DAB1: variants seen among roughly 807,000 people sequenced by gnomAD.
The protein encoded by DAB1 is DAB adaptor protein 1.
A neutral mutation model predicts 64.6 loss-of-function variants in DAB1; 15 were observed. The observed-to-expected ratio is 0.23, with a 90% confidence interval of 0.16 to 0.36. The LOEUF (loss-of-function observed/expected upper bound fraction) is 0.36. DAB1 is among the 10% of genes least tolerant of loss of function. The pLI is 1.00. For synonymous variants in DAB1, 235 were observed against 251.9 expected (o/e 0.93, Z 0.64); for missense variants, 596 against 706.7 (o/e 0.84, Z 1.78).
intron 9 of DAB1, among the ~76,000 whole-genome samples, chr1:57,031,649 C>G (rs1046250931): frequency 2.0e-5 from 3 of 152,218 alleles, no homozygotes; most frequent in Non-Finnish European, 4.4e-5. Context: ...TCTTGTTCAT[C>G]GATCCATCAC....
At chr1:57,512,704 C>G (rs1644418933) in intron 7 of DAB1, among the ~76,000 whole-genome samples, 1 of 152,142 alleles carries the variant, frequency 6.6e-6, no homozygotes, top group African/African-American at 2.4e-5. Context: ...TCAAGTTGTT[C>G]TTCATTTGGC....
At chr1:57,400,109 C>A (rs1683120514) in intron 1 of DAB1, among the ~76,000 whole-genome samples, 3 of 152,154 alleles carry the variant, frequency 2.0e-5, no homozygotes, top group Non-Finnish European at 1.5e-5. Context: ...CTTGTAATAT[C>A]ACTACTACTT....
Position 57,516,998 on chromosome 1 carries a change from T to C in DAB1, n.625+132594A>G, listed in dbSNP as rs570649524. 3.3e-5 allele frequency among the ~76,000 whole-genome samples: 5 copies of C among 152,282 alleles called. No individual in the cohort carries two copies. The East Asian group carries it at 9.6e-4, about 29-fold the overall frequency. On this transcript the variant is annotated intron_variant and non_coding_transcript_variant, in intron 7 of 20. Coordinates refer to the DAB1 transcript ENST00000485760. ...CAGAGTGTTAGTCAAAGGTTGAGGATGTGGAGGAGGAAGGGAAACAAATAC... is the reference window on the plus strand; with the variant it reads ...CAGAGTGTTAGTCAAAGGTTGAGGACGTGGAGGAGGAAGGGAAACAAATAC...
Position 58,207,817 on chromosome 1 carries a change from G to A in DAB1, n.310-57229C>T, listed in dbSNP as rs12042368. Among the ~76,000 whole-genome samples the A allele has an allele frequency of 3.9e-3, 590 of 152,282 alleles. 18 individuals are homozygous for A. The East Asian group carries it at 0.074, about 19-fold the overall frequency. On this transcript the variant is annotated intron_variant and non_coding_transcript_variant, in intron 4 of 20. Coordinates refer to the DAB1 transcript ENST00000485760. ...GAAAAAAAATGCAATCTTAGAGTCT[G>A]TAACTTTCCCAAGATCACAAAGTTA... is the stretch of plus-strand genomic sequence containing the variant.
intron 7 of DAB1, among the ~76,000 whole-genome samples, chr1:57,570,145 A>G (rs1645177342): frequency 6.6e-6 from 1 of 152,134 alleles, no homozygotes; most frequent in Non-Finnish European, 1.5e-5. Context: ...ACCCACCCTT[A>G]ATGTGGGTGG....
chr1:58,478,986 G>A (rs1003974053), intron 3 of DAB1, among the ~76,000 whole-genome samples: 8 of 152,078 alleles, frequency 5.3e-5, no homozygotes, highest in African/African-American at 1.7e-4. Flanking sequence ...AAAGCATTGA[G>A]CTGAACTGTA....
chr1:58,184,438 A>AG (rs963666361), intron 4 of DAB1, among the ~76,000 whole-genome samples: 6 of 151,952 alleles, frequency 3.9e-5, no homozygotes, highest in African/African-American at 1.4e-4. Context: ...AACCTCTTTC[A>AG]GCTGGACCAT....
rs146032058 is a variant in DAB1 at position 57,911,949 on chromosome 1, C to T, written n.388-27787G>A. ...ATCAAACTATTTTATAACTAATCCCCTGTATTAAACCCCCTCCATGTGAAA... is the reference window on the plus strand; with the variant it reads ...ATCAAACTATTTTATAACTAATCCCTTGTATTAAACCCCCTCCATGTGAAA... On this transcript the variant is annotated intron_variant and non_coding_transcript_variant, in intron 5 of 20. Coordinates refer to the DAB1 transcript ENST00000485760. 2.3e-3 allele frequency among the ~76,000 whole-genome samples: 345 copies of T among 152,316 alleles called. 3 individuals carry two copies. The highest frequency in any genetic ancestry group is 7.9e-3 in the African/African-American group (328 of 41,578).
chr1:58,366,084 A>G (rs1238017670), intron 3 of DAB1, among the ~76,000 whole-genome samples: 1 of 152,206 alleles, frequency 6.6e-6, no homozygotes, highest in African/African-American at 2.4e-5. Context: ...CTCCCAATAC[A>G]GTACTATTCC....
chr1:57,333,044 C>T (rs1676804200), intron 1 of DAB1, among the ~76,000 whole-genome samples: 1 of 152,180 alleles, frequency 6.6e-6, no homozygotes, highest in African/African-American at 2.4e-5. Context: ...AATGAGAGGT[C>T]ATCCCCAAGT....
At chr1:57,337,666 C>A (rs1012210842) in intron 1 of DAB1, among the ~76,000 whole-genome samples, 1 of 152,168 alleles carries the variant, frequency 6.6e-6, no homozygotes, top group Non-Finnish European at 1.5e-5. Flanking sequence ...ATCTTCAGCA[C>A]CTAGAAGAGC....
chr1:57,330,860 C>T (rs1043930937), intron 1 of DAB1, among the ~76,000 whole-genome samples: 4 of 152,096 alleles, frequency 2.6e-5, no homozygotes, highest in Non-Finnish European at 5.9e-5. Flanking sequence ...TTGACCCCTG[C>T]TTAGCATATA....
At chr1:57,121,713 T>A in intron 4 of DAB1, among the ~76,000 whole-genome samples, 1 of 152,088 alleles carries the variant, frequency 6.6e-6, no homozygotes. Context: ...AAGTCTTTAA[T>A]CCATCTTGAG....
chr1:57,717,285 G>T (rs1647095748), intron 6 of DAB1, among the ~76,000 whole-genome samples: 1 of 150,302 alleles, frequency 6.7e-6, no homozygotes, highest in Non-Finnish European at 1.5e-5. Context: ...AAGAAAGAAA[G>T]AAGACATACA....
At chr1:57,221,409 A>T (rs1468629865) in intron 2 of DAB1, among the ~76,000 whole-genome samples, 1 of 151,954 alleles carries the variant, frequency 6.6e-6, no homozygotes, top group African/African-American at 2.4e-5. Context: ...TAATTTTAAA[A>T]AAGGCTAACA....
At position 58,170,716 on chromosome 1, in the gene DAB1, C is replaced by A. The variant is rs188390293; in HGVS notation, n.310-20128G>T. On this transcript the variant is annotated intron_variant and non_coding_transcript_variant, in intron 4 of 20. Transcript: ENST00000485760. ...TTAAAAAAGATTGTCCAACGAGAAA[C>A]AATCTGCCCCCTCGTCCATGTCTGC... is the stretch of plus-strand genomic sequence containing the variant. 2.6e-3 allele frequency among the ~76,000 whole-genome samples: 391 copies of A among 152,236 alleles called. 3 individuals carry two copies. Among genetic ancestry groups the A allele is most frequent in the African/African-American group, 9.1e-3 (380 of 41,536 alleles).
At chr1:58,462,500 C>T (rs1645254506) in intron 3 of DAB1, 1 of 152,180 alleles carries the variant, frequency 6.6e-6, no homozygotes, top group African/African-American at 2.4e-5. Context: ...TATCCCCAAG[C>T]TGTTCTCAAA....
intron 7 of DAB1, among the ~76,000 whole-genome samples, chr1:57,070,378 C>T (rs1040030222): frequency 6.6e-6 from 1 of 152,152 alleles, no homozygotes; most frequent in Non-Finnish European, 1.5e-5. Flanking sequence ...TTTTCTGCAT[C>T]TCTGTTTGAA....
chr1:58,034,033 C>G (rs1647008589), intron 5 of DAB1, among the ~76,000 whole-genome samples: 2 of 152,108 alleles, frequency 1.3e-5, no homozygotes, highest in Admixed American at 6.5e-5. Flanking sequence ...ATCTGCCTAC[C>G]CTTGATTGTA....
Sources: allele counts gnomAD v4.1 joint callset (sites outside exome capture counted in the v4.1 genomes callset), GRCh38; gene constraint gnomAD v4.1.1; transcripts MANE v1.5; gene names NCBI Gene and HGNC (gene_info 2026-07-23, HGNC 2026-07-21).